TRIML2: variants seen among roughly 807,000 people sequenced by gnomAD.
TRIML2 encodes probable E3 ubiquitin-protein ligase TRIML2.
TRIML2 carries 28 observed loss-of-function variants against 31.2 expected under a neutral mutation model. The observed-to-expected ratio is 0.90, with a 90% CI of 0.66 to 1.23. The LOEUF (loss-of-function observed/expected upper bound fraction) is 1.23. TRIML2 is among the 50% of genes most tolerant of loss of function. The pLI, the probability that TRIML2 is intolerant of heterozygous loss-of-function variation, is 0.00. For synonymous variants in TRIML2, 187 were observed against 197.5 expected, an observed-to-expected ratio of 0.95 and a Z score of 0.45; for missense variants, 536 against 528.3, an observed-to-expected ratio of 1.01 and a Z score of -0.14.
intron 1 of TRIML2, among the ~76,000 whole-genome samples, chr4:188,107,790 G>T (rs1219129713): frequency 2.0e-5 from 3 of 152,048 alleles, no homozygotes; most frequent in Non-Finnish European, 4.4e-5. Flanking sequence ...GGCCTTTTTG[G>T]AGGGAGGGGT....
rs942993854 is a variant in TRIML2 at position 188,105,484 on chromosome 4, C to G, written c.-116G>C. 2 of 706,144 alleles carry G rather than the reference C, an allele frequency of 2.8e-6. No homozygotes were observed. The highest frequency in any genetic ancestry group is 4.4e-6 in the Non-Finnish European group (2 of 459,654). The allele number at this position is 706,144 out of a possible 1,614,324, so 43.7% of individuals were successfully genotyped here. On this transcript the variant is annotated 5_prime_UTR_variant, in exon 2 of 8. Transcript: ENST00000682553. Reference sequence around the variant, plus strand: ...TTGTTTTCTGGAGCAGGCACACACACTTGGCAACTTCAGAGTCCACGAAGA... The same window carrying G: ...TTGTTTTCTGGAGCAGGCACACACAGTTGGCAACTTCAGAGTCCACGAAGA...
intron 5 of TRIML2, chr4:188,098,054 G>A (rs963028161): frequency 1.6e-5 from 4 of 243,238 alleles, no homozygotes; most frequent in African/African-American, 4.6e-5. Context: ...CTGGGGAGGC[G>A]GAGGTTACAG....
intron 1 of TRIML2, among the ~76,000 whole-genome samples, chr4:188,108,634 C>G (rs533487158): frequency 6.6e-6 from 1 of 152,192 alleles, no homozygotes; most frequent in East Asian, 1.9e-4. Flanking sequence ...ATAGCTTTCC[C>G]CCATCACTGT....
intron 7 of TRIML2, among the ~76,000 whole-genome samples, chr4:188,094,966 G>A (rs1733439693): frequency 6.6e-6 from 1 of 152,144 alleles, no homozygotes; most frequent in African/African-American, 2.4e-5. Context: ...ACAAATAGAC[G>A]TGATCGCATA....
intron 3 of TRIML2, among the ~76,000 whole-genome samples, chr4:188,102,097 T>C (rs1733821249): frequency 7.2e-6 from 1 of 138,528 alleles, no homozygotes; most frequent in African/African-American, 2.8e-5. Flanking sequence ...GCCACCGCAC[T>C]CCAGCCTGGG....
intron 3 of TRIML2, among the ~76,000 whole-genome samples, chr4:188,101,869 G>T (rs1430985269): frequency 6.6e-6 from 1 of 151,932 alleles, no homozygotes; most frequent in African/African-American, 2.4e-5. Context: ...GGTGGTTCAC[G>T]CCTGTAATCC....
intron 4 of TRIML2, among the ~76,000 whole-genome samples, chr4:188,099,384 T>A (rs1421835710): frequency 6.6e-6 from 1 of 152,088 alleles, no homozygotes. Context: ...GCCAACATGG[T>A]GAAACCCAGT....
intron 7 of TRIML2, among the ~76,000 whole-genome samples, chr4:188,094,107 A>G (rs28843501): frequency 6.9e-6 from 1 of 144,254 alleles, no homozygotes; most frequent in African/African-American, 2.7e-5. Flanking sequence ...CAAAAACAAA[A>G]ACAAAAACAA....
At position 188,091,472 on chromosome 4, in the gene TRIML2, C is replaced by G. The variant is rs1253640598; in HGVS notation, c.1215G>C (p.Arg405Ser). 2 of 1,614,100 alleles carry G rather than the reference C, an allele frequency of 1.2e-6. No homozygotes were observed. Among genetic ancestry groups the G allele is most frequent in the Non-Finnish European group, 1.7e-6 (2 of 1,180,036 alleles). Residue 405 changes from arginine (R) to serine (S), a missense_variant, in exon 8 of 8, where the codon AGG (arginine) becomes AGC (serine). By Grantham distance (110) the Arg-to-Ser change is moderately radical. Transcript: ENST00000682553. The part of the protein sequence containing the change: ...FSHCAFQGAL[R>S]PVFSLCIPNG... ...TTGGGATACAGAGGGAAAACACAGG[C>G]CTGAGAGCTCCTTGGAAGGCGCAAT...
intron 7 of TRIML2, chr4:188,093,072 A>G (rs1733339761): frequency 5.7e-6 from 2 of 348,658 alleles, no homozygotes; most frequent in South Asian, 4.5e-5. Flanking sequence ...AACACACCCA[A>G]AATGGAACTT....
intron 7 of TRIML2, among the ~76,000 whole-genome samples, chr4:188,094,107 A>ACC (rs1275701515): frequency 2.1e-5 from 3 of 144,254 alleles, no homozygotes; most frequent in East Asian, 2.1e-4. Context: ...CAAAAACAAA[A>ACC]ACAAAAACAA....
chr4:188,106,340 C>G (rs900730649), intron 1 of TRIML2, among the ~76,000 whole-genome samples: 2 of 152,318 alleles, frequency 1.3e-5, no homozygotes, highest in East Asian at 3.9e-4. Context: ...CGTGAGCCAC[C>G]GCGCCCGGCC....
chr4:188,094,872 C>T (rs918445408), intron 7 of TRIML2, among the ~76,000 whole-genome samples: 1 of 152,174 alleles, frequency 6.6e-6, no homozygotes, highest in African/African-American at 2.4e-5. Context: ...TACCTGCTTT[C>T]AAGACTTCCT....
intron 3 of TRIML2, among the ~76,000 whole-genome samples, chr4:188,103,727 C>T (rs968380881): frequency 4.6e-5 from 7 of 152,090 alleles, no homozygotes; most frequent in African/African-American, 7.2e-5. Context: ...TGTTTATATC[C>T]ACTAGAATGC....
chr4:188,099,011 A>C (rs762307346), intron 5 of TRIML2, 24 bp downstream of exon 5: 7 of 1,613,110 alleles, frequency 4.3e-6, no homozygotes, highest in Non-Finnish European at 5.9e-6. Context: ...AATGAATTTT[A>C]TTTTCTTTTT....
In TRIML2 at chr4:188,091,276, G is replaced by A. The variant is rs1411064602; in HGVS notation, c.*97C>T. ...GATATTAAATCAGGCTCCTACTCCT[G>A]GAACGCTTTTTATTGGGTTAGTTTA... On this transcript the variant is annotated 3_prime_UTR_variant, in exon 8 of 8. Coordinates refer to ENST00000682553, the MANE Select transcript of TRIML2 (RefSeq NM_173553.4). 16 of 1,186,518 alleles carry A rather than the reference G, an allele frequency of 1.3e-5. No individual in the cohort carries two copies. Among genetic ancestry groups the A allele is most frequent in the Non-Finnish European group, 1.8e-5 (15 of 837,286 alleles). The allele number at this position is 1,186,518 out of a possible 1,614,324, so 73.5% of individuals were successfully genotyped here.
At chr4:188,108,352 A>T (rs904464156) in intron 1 of TRIML2, among the ~76,000 whole-genome samples, 1 of 152,110 alleles carries the variant, frequency 6.6e-6, no homozygotes, top group Non-Finnish European at 1.5e-5. Flanking sequence ...CAGGATCTCA[A>T]CCCAGTGGCT....
At chr4:188,095,973 C>T (rs74799175) in intron 7 of TRIML2, among the ~76,000 whole-genome samples, 3,757 of 152,278 alleles carry the variant, frequency 0.025, 142 homozygotes, top group African/African-American at 0.085. Flanking sequence ...ATAGGACATT[C>T]TGGGAAAGGC....
At chr4:188,103,014 T>G (rs1228992155) in intron 3 of TRIML2, among the ~76,000 whole-genome samples, 1 of 136,294 alleles carries the variant, frequency 7.3e-6, no homozygotes, top group Non-Finnish European at 1.6e-5. Flanking sequence ...GGTTTTTTTT[T>G]TTTTTTTTTT....
Sources: gnomAD v4.1 joint callset for allele counts (sites outside exome capture counted in the v4.1 genomes callset) on GRCh38, gnomAD v4.1.1 for gene constraint, MANE v1.5 for transcripts, NCBI Gene and HGNC (gene_info 2026-07-23, HGNC 2026-07-21) for gene names.